The following SLF2 variants were observed in gnomAD, a reference collection of about 807,000 sequenced individuals.
SLF2 encodes the protein SMC5/6 complex localization factor 2, also known as SMC5-SMC6 complex localization factor protein 2.
In SLF2, 68 loss-of-function variants were observed where a neutral mutation model predicts 124.3. The ratio of observed to expected loss-of-function variants is 0.55; its 90% CI spans 0.45 to 0.67. The LOEUF is 0.67. Among genes scored for constraint, SLF2 ranks in the 30% least tolerant of loss-of-function variants. The pLI is 0.00. For missense variants in SLF2, 1,246 were observed against 1,373.7 expected (o/e 0.91, Z 1.47); for synonymous variants, 480 against 478.8 (o/e 1.00, Z -0.03).
At chr10:100,919,173 G>C (rs986329635) in intron 4 of SLF2, among the ~76,000 whole-genome samples, 1 of 151,672 alleles carries the variant, frequency 6.6e-6, no homozygotes, top group African/African-American at 2.4e-5. Flanking sequence ...CACCATGCCC[G>C]ACTAATTTTT....
chr10:100,924,535 T>C lies in SLF2; in HGVS notation c.1534T>C (p.Ser512Pro), dbSNP rs766541704. ...DKERSSSKEC[S>P]GHSTESTKHK... ...AGAGCGTTCCTCATCTAAAGAATGT[T>C]CTGGGCATTCTACAGAATCCACCAA... The change falls in exon 5 of 20, where the codon TCT becomes CCT. Residue 512 changes from serine (S) to proline (P), a missense_variant. This residue lies in a region of SLF2 where 698 missense variants were observed against 708.9 expected (regional missense o/e 0.98). Coordinates refer to ENST00000238961, the MANE Select transcript of SLF2 (RefSeq NM_018121.4). The C allele has an allele frequency of 2.5e-6, 4 of 1,614,128 alleles. No homozygotes were observed. The Admixed American group carries it at 5.0e-5, about 20-fold the overall frequency.
intron 10 of SLF2, among the ~76,000 whole-genome samples, chr10:100,937,765 T>TG: frequency 6.6e-6 from 1 of 152,056 alleles, no homozygotes. Context: ...CACACCGCTA[T>TG]ACCCAGCTAA....
chr10:100,916,547 A>G (rs1202288888), intron 2 of SLF2, 23 bp from the exon 3 acceptor site: 3 of 1,315,756 alleles, frequency 2.3e-6, no homozygotes, highest in African/African-American at 1.5e-5. Flanking sequence ...TGCAATTTGT[A>G]TGTGTTTTAA....
At position 100,924,240 on chromosome 10, in the gene SLF2, C is replaced by A; in HGVS notation, c.1239C>A (p.Gly413=). ...CAGGCTTGGCACCTTCAAATTCTGG[C>A]AATTCTGGCCACCATTCTACCAGGA... ...SSAGLAPSNS[G]NSGHHSTRNS... The change falls in exon 5 of 20, where the codon GGC becomes GGA. Residue 413 remains glycine (G), a synonymous_variant. Coordinates refer to ENST00000238961, the MANE Select transcript of SLF2 (RefSeq NM_018121.4). The A allele has an allele frequency of 6.2e-7, 1 of 1,614,096 alleles. No individual in the cohort carries two copies. Among genetic ancestry groups the A allele is most frequent in the Admixed American group, 1.7e-5 (1 of 60,020 alleles).
rs1184890366 is a variant in SLF2 at position 100,963,732 on chromosome 10, G to A, written c.*1820G>A. 2 of 151,914 alleles carry A rather than the reference G, an allele frequency of 1.3e-5. No homozygotes were observed. The highest frequency in any genetic ancestry group is 2.9e-5 in the Non-Finnish European group (2 of 67,934). 9.4% of individuals were successfully genotyped at this position (151,914 alleles called of 1,614,324 possible). A position where few individuals can be genotyped will look rare whatever the true frequency, so the allele number is the denominator to read the frequency against. ...TTATATTGCTTGTAATTTACAGTGT[G>A]TAAATATTTTCTAATTGTGTACATT... is the stretch of plus-strand genomic sequence containing the variant. On this transcript the variant is annotated 3_prime_UTR_variant, in exon 20 of 20. Transcript: ENST00000238961.
rs767128566 is a variant in SLF2 at position 100,913,137 on chromosome 10, G to A, written c.27G>A (p.Arg9=). Residue 9 remains arginine (R), a synonymous_variant, in exon 1 of 20, where the codon AGG becomes AGA. Transcript: ENST00000238961. The part of the protein sequence containing the change: MTRRCMPA[R]PGFPSSPAPG... ...TGACAAGGCGCTGCATGCCCGCTAG[G>A]CCAGGTTTCCCCTCATCCCCAGCCC... The A allele has an allele frequency of 2.5e-6, 4 of 1,612,722 alleles. No homozygotes were observed. The highest frequency in any genetic ancestry group is 1.7e-5 in the Admixed American group (1 of 59,918).
chr10:100,917,477 A>G (rs1444246910), intron 3 of SLF2, among the ~76,000 whole-genome samples, 177 bp downstream of exon 3: 1 of 152,154 alleles, frequency 6.6e-6, no homozygotes, highest in Non-Finnish European at 1.5e-5. Context: ...CCTTCATCGA[A>G]CTCAGTAAAG....
chr10:100,930,827 C>G (rs1206757455), intron 8 of SLF2, 149 bp from the exon 9 acceptor site: 1 of 596,278 alleles, frequency 1.7e-6, no homozygotes, highest in Non-Finnish European at 3.0e-6. Flanking sequence ...TTATGAGTAA[C>G]TCATCCATAT....
Position 100,961,901 on chromosome 10 carries a change from C to T in SLF2, c.3511C>T (p.Pro1171Ser). Reference protein sequence around the residue: ...TQGQLHDFWVPDS With the variant: ...TQGQLHDFWVSDS The stretch of plus-strand genomic sequence containing the variant: ...GGGGCAGCTTCATGACTTCTGGGTA[C>T]CAGATTCTTAATAGGAGTTGCAGCA... Residue 1171 changes from proline to serine, a missense_variant, in exon 20 of 20, where the codon CCA becomes TCA. Physicochemically the swap from Pro to Ser is moderately conservative, Grantham distance 74 (BLOSUM62 -1). Coordinates refer to ENST00000238961, the MANE Select transcript of SLF2 (RefSeq NM_018121.4). 6.2e-7 allele frequency: 1 copy of T among 1,607,530 alleles called. No homozygotes were observed. The highest frequency in any genetic ancestry group is 8.5e-7 in the Non-Finnish European group (1 of 1,175,546).
intron 5 of SLF2, among the ~76,000 whole-genome samples, chr10:100,925,289 CAG>C (rs1849594136): frequency 6.6e-6 from 1 of 152,056 alleles, no homozygotes; most frequent in African/African-American, 2.4e-5. Context: ...TATGCAAAAA[CAG>C]AATTTAAAAG....
intron 9 of SLF2, among the ~76,000 whole-genome samples, chr10:100,934,713 A>G (rs1849810882): frequency 6.6e-6 from 1 of 151,844 alleles, no homozygotes; most frequent in South Asian, 2.1e-4. Flanking sequence ...CCCGAATTCA[A>G]GCGATTCTCA....
chr10:100,928,423 T>A (rs1413697586), intron 6 of SLF2, among the ~76,000 whole-genome samples: 1 of 152,188 alleles, frequency 6.6e-6, no homozygotes. Flanking sequence ...ATTCTTGTGA[T>A]CTGTGATATG....
At position 100,924,958 on chromosome 10, in the gene SLF2, T is replaced by G. The variant is rs755231057; in HGVS notation, c.1957T>G (p.Ser653Ala). 1.4e-5 allele frequency: 22 copies of G among 1,612,660 alleles called. No individual in the cohort carries two copies. Among genetic ancestry groups the G allele is most frequent in the Admixed American group, 1.7e-5 (1 of 59,864 alleles). Reference protein sequence around the residue: ...PALSKGLRSQSSDYTGHVHPG... With the variant: ...PALSKGLRSQASDYTGHVHPG... The stretch of plus-strand genomic sequence containing the variant: ...TCTTTCCAAGGGGCTTAGATCTCAG[T>G]CATCAGACTATACAGTAAGTAGTTC... Residue 653 changes from serine (S) to alanine (A), a missense_variant, in exon 5 of 20, where the codon TCA becomes GCA. Transcript: ENST00000238961.
chr10:100,935,973 C>T (rs909989224), intron 9 of SLF2, among the ~76,000 whole-genome samples: 4 of 150,752 alleles, frequency 2.7e-5, no homozygotes, highest in Non-Finnish European at 5.9e-5. Flanking sequence ...ATCCTCCCCC[C>T]TCAGCCCCCC....
intron 17 of SLF2, among the ~76,000 whole-genome samples, chr10:100,955,180 T>C (rs1267012897): frequency 1.3e-5 from 2 of 151,908 alleles, no homozygotes; most frequent in East Asian, 1.9e-4. Context: ...GACCTTGTGA[T>C]CTGCCCGCCT....
intron 12 of SLF2, among the ~76,000 whole-genome samples, chr10:100,944,954 C>T (rs554175605): frequency 6.8e-4 from 103 of 151,538 alleles, no homozygotes; most frequent in African/African-American, 2.4e-3. Flanking sequence ...CACTTGAACC[C>T]GGGAGGTGGA....
chr10:100,931,825 C>G (rs1849741256), intron 9 of SLF2, among the ~76,000 whole-genome samples: 1 of 152,066 alleles, frequency 6.6e-6, no homozygotes, highest in Non-Finnish European at 1.5e-5. Context: ...AACCCTGTCT[C>G]TACTAAAAAT....
At chr10:100,941,233 G>A (rs984559191) in intron 11 of SLF2, among the ~76,000 whole-genome samples, 1 of 152,128 alleles carries the variant, frequency 6.6e-6, no homozygotes, top group Non-Finnish European at 1.5e-5. Flanking sequence ...TATACAAATA[G>A]TAGATGTAGA....
chr10:100,936,698 T>G (rs1225641290), intron 9 of SLF2, among the ~76,000 whole-genome samples: 2 of 152,190 alleles, frequency 1.3e-5, no homozygotes, highest in East Asian at 3.8e-4. Flanking sequence ...TTTGAAAAAC[T>G]ATGTTGGTAT....
Sources: gnomAD v4.1 joint callset for allele counts (sites outside exome capture counted in the v4.1 genomes callset) on GRCh38, gnomAD v4.1.1 for gene constraint, gnomAD v4.1.1 regional missense constraint, MANE v1.5 for transcripts, NCBI Gene and HGNC (gene_info 2026-07-23, HGNC 2026-07-21) for gene names.